SEMA5A: variants seen among roughly 807,000 people sequenced by gnomAD.
The protein encoded by SEMA5A is semaphorin-5A.
Under a neutral mutation model 135.5 loss-of-function variants are expected in SEMA5A, and 55 were observed. The observed-to-expected ratio is 0.41, with a 90% CI of 0.33 to 0.51. The LOEUF (loss-of-function observed/expected upper bound fraction) is 0.51. SEMA5A is among the 20% of genes least tolerant of loss of function. The probability of loss-of-function intolerance (pLI) is 0.37; values close to 1 mark genes in which losing one functional copy is unlikely to be tolerated. For missense variants in SEMA5A, 1,290 were observed against 1,419.9 expected, an observed-to-expected ratio of 0.91 and a Z score of 1.47; for synonymous variants, 580 against 546.5, an observed-to-expected ratio of 1.06 and a Z score of -0.85.
chr5:9,543,054 G>A (rs1738176724), intron 1 of SEMA5A, among the ~76,000 whole-genome samples: 1 of 152,214 alleles, frequency 6.6e-6, no homozygotes, highest in African/African-American at 2.4e-5. Context: ...ACCAAGTTAA[G>A]TAAAACTGTG....
At chr5:9,469,112 G>T (rs919740391) in intron 1 of SEMA5A, among the ~76,000 whole-genome samples, 2 of 152,044 alleles carry the variant, frequency 1.3e-5, no homozygotes, top group Non-Finnish European at 2.9e-5. Flanking sequence ...AGATTCAAGC[G>T]ATTCTCCTGC....
intron 4 of SEMA5A, among the ~76,000 whole-genome samples, chr5:9,328,429 C>T (rs1233745360): frequency 1.3e-5 from 2 of 152,182 alleles, no homozygotes; most frequent in African/African-American, 4.8e-5. Flanking sequence ...TCCTCAATGC[C>T]TTTAGCAGAG....
Position 9,269,726 on chromosome 5 carries a change from T to A in SEMA5A, c.271-31836A>T, listed in dbSNP as rs560247260. Reference sequence around the variant, plus strand: ...ACCTTAAGGCTTCTATAAATTTTTATAAAATATCTATTTATATTCTCTATG... The same window carrying A: ...ACCTTAAGGCTTCTATAAATTTTTAAAAAATATCTATTTATATTCTCTATG... On this transcript the variant is annotated intron_variant, in intron 5 of 22. Transcript: ENST00000382496. Among the ~76,000 whole-genome samples, 5 of 152,270 alleles carry A rather than the reference T, an allele frequency of 3.3e-5. No homozygotes were observed. The East Asian group carries it at 9.6e-4, about 29-fold the overall frequency.
At chr5:9,314,243 C>T (rs1363046230) in intron 5 of SEMA5A, among the ~76,000 whole-genome samples, 3 of 151,972 alleles carry the variant, frequency 2.0e-5, no homozygotes, top group African/African-American at 7.3e-5. Flanking sequence ...AACGTTCTGT[C>T]ACTTATTATC....
At chr5:9,422,841 CA>C (rs928255547) in intron 2 of SEMA5A, among the ~76,000 whole-genome samples, 6 of 152,154 alleles carry the variant, frequency 3.9e-5, no homozygotes, top group Middle Eastern at 3.4e-3. Context: ...AAAAATAGTG[CA>C]AAAAAATTAA....
Position 9,473,383 on chromosome 5 carries a change from TAAAAAAAAAAAA to T in SEMA5A, c.-174-35543_-174-35532del, listed in dbSNP as rs58137756. 1.4e-4 allele frequency among the ~76,000 whole-genome samples: 11 copies of T among 79,704 alleles called. No homozygotes were observed. In the Admixed American group the frequency reaches 2.0e-3, roughly 14 times the overall value. 52.3% of individuals were successfully genotyped at this position (79,704 alleles called of 152,430 possible). ...ATTGGCTGCATATGGCAATCAGTGG[TAAAAAAAAAAAA>T]AAAAAAAAAGACTACCAACCAACCA... On this transcript the variant is annotated intron_variant, in intron 1 of 22. Transcript: ENST00000382496.
intron 1 of SEMA5A, among the ~76,000 whole-genome samples, chr5:9,466,533 G>A (rs941760195): frequency 6.6e-6 from 1 of 152,120 alleles, no homozygotes; most frequent in African/African-American, 2.4e-5. Context: ...CTATTAGAGA[G>A]GGGGTTTGAA....
intron 16 of SEMA5A, among the ~76,000 whole-genome samples, chr5:9,102,058 A>C (rs1739661242): frequency 6.6e-6 from 1 of 152,360 alleles, no homozygotes; most frequent in Middle Eastern, 3.4e-3. Context: ...CCCACCTGCC[A>C]TCTAAGGCAG....
intron 13 of SEMA5A, among the ~76,000 whole-genome samples, 187 bp from the exon 14 acceptor site, chr5:9,123,024 A>G (rs912468732): frequency 2.6e-5 from 4 of 151,878 alleles, no homozygotes; most frequent in Admixed American, 6.6e-5. Flanking sequence ...GGAGGCCGAG[A>G]CGGGCAGATC....
At chr5:9,121,540 G>A (rs1277967876) in intron 14 of SEMA5A, among the ~76,000 whole-genome samples, 1 of 152,168 alleles carries the variant, frequency 6.6e-6, no homozygotes, top group East Asian at 1.9e-4. Context: ...AACAATATGA[G>A]CAAAGAGTAT....
At chr5:9,117,625 C>A (rs772847762) in intron 15 of SEMA5A, among the ~76,000 whole-genome samples, 9 of 152,120 alleles carry the variant, frequency 5.9e-5, no homozygotes, top group Non-Finnish European at 8.8e-5. Context: ...AGTCAAAAAA[C>A]CGTGTGGAAA....
rs539842921 is a variant in SEMA5A, at chr5:9,216,009, G to A, written c.646+8665C>T. 3.5e-4 allele frequency among the ~76,000 whole-genome samples: 53 copies of A among 152,190 alleles called. No individual in the cohort carries two copies. In the South Asian group the frequency reaches 7.5e-3, roughly 22 times the overall value. The stretch of plus-strand genomic sequence containing the variant: ...ATACCTGAGCTAGGACTTTGGGGTT[G>A]ATTAGGTCCTGTTTCTTCTAGCTTT... On this transcript the variant is annotated intron_variant, in intron 8 of 22. Coordinates refer to ENST00000382496, the MANE Select transcript of SEMA5A (RefSeq NM_003966.3).
intron 10 of SEMA5A, among the ~76,000 whole-genome samples, chr5:9,190,785 T>C (rs1745067824): frequency 6.6e-6 from 1 of 152,212 alleles, no homozygotes; most frequent in Non-Finnish European, 1.5e-5. Flanking sequence ...TCCTTTCCCG[T>C]CGAGTTACTT....
intron 8 of SEMA5A, among the ~76,000 whole-genome samples, chr5:9,208,116 G>A (rs79456993): frequency 4.1e-4 from 62 of 152,258 alleles, no homozygotes; most frequent in African/African-American, 1.4e-3. Flanking sequence ...CAGTATCATT[G>A]TGAGAATCAA....
chr5:9,391,534 C>T (rs1251064669), intron 2 of SEMA5A, among the ~76,000 whole-genome samples: 2 of 152,290 alleles, frequency 1.3e-5, no homozygotes, highest in East Asian at 1.9e-4. Context: ...GCTGAGTCTT[C>T]GCCATCACAG....
chr5:9,334,382 G>A (rs1753289956), intron 4 of SEMA5A, among the ~76,000 whole-genome samples: 1 of 152,112 alleles, frequency 6.6e-6, no homozygotes, highest in Admixed American at 6.5e-5. Context: ...TTACTCATAT[G>A]CCCTCTCAAA....
chr5:9,450,309 C>A (rs1758594676), intron 1 of SEMA5A, among the ~76,000 whole-genome samples: 1 of 152,208 alleles, frequency 6.6e-6, no homozygotes, highest in South Asian at 2.1e-4. Flanking sequence ...TAAACATTAT[C>A]TTTGTAAATG....
At chr5:9,071,911 C>T (rs1737789200) in intron 16 of SEMA5A, among the ~76,000 whole-genome samples, 1 of 152,120 alleles carries the variant, frequency 6.6e-6, no homozygotes, top group Admixed American at 6.5e-5. Context: ...TGCAAAGAGC[C>T]AAAACACTCA....
intron 1 of SEMA5A, among the ~76,000 whole-genome samples, chr5:9,509,824 T>C (rs1650347631): frequency 6.6e-6 from 1 of 152,202 alleles, no homozygotes; most frequent in African/African-American, 2.4e-5. Flanking sequence ...ATTGAGAACC[T>C]ACCATATGCC....
Sources: gnomAD v4.1 joint callset for allele counts (sites outside exome capture counted in the v4.1 genomes callset) on GRCh38, gnomAD v4.1.1 for gene constraint, MANE v1.5 for transcripts, NCBI Gene and HGNC (gene_info 2026-07-23, HGNC 2026-07-21) for gene names.